Variants in INPP5A observed in about 807,000 individuals in gnomAD.
The protein encoded by INPP5A is 43 kDa inositol polyphosphate 5-phophatase.
INPP5A carries 14 observed loss-of-function variants against 65.2 expected under a neutral mutation model. That is an observed-to-expected ratio of 0.21 (90% CI 0.14 to 0.34). The LOEUF (loss-of-function observed/expected upper bound fraction) is 0.34. INPP5A is among the 10% of genes least tolerant of loss of function. The probability of loss-of-function intolerance (pLI) is 1.00; values close to 1 mark genes in which losing one functional copy is unlikely to be tolerated. For missense variants in INPP5A, 431 were observed against 545.6 expected, an observed-to-expected ratio of 0.79 and a Z score of 2.09; for synonymous variants, 207 against 208.3, an observed-to-expected ratio of 0.99 and a Z score of 0.05.
At chr10:132,638,007 G>A (rs1328875902) in intron 2 of INPP5A, among the ~76,000 whole-genome samples, 1 of 152,138 alleles carries the variant, frequency 6.6e-6, no homozygotes, top group Non-Finnish European at 1.5e-5. Flanking sequence ...TCTTGTGTTG[G>A]TATTGCAAAG....
chr10:132,547,078 G>C lies in INPP5A; in HGVS notation c.75+8907G>C, dbSNP rs991943251. 1.3e-5 allele frequency among the ~76,000 whole-genome samples: 2 copies of C among 152,250 alleles called. No homozygotes were observed. The highest frequency in any genetic ancestry group is 2.4e-5 in the African/African-American group (1 of 41,476). On this transcript the variant is annotated intron_variant, in intron 1 of 15. Transcript: ENST00000368594. The surrounding 1 kb of genome is among the most constrained non-coding windows in gnomAD (Gnocchi z 5.5). The stretch of plus-strand genomic sequence containing the variant: ...TGGCTTTGGCCCAAGTCCCTGTGGA[G>C]AGGAAATCCCGCCTTCAGTGCCAGG...
chr10:132,689,900 A>T (rs575686359), intron 4 of INPP5A, among the ~76,000 whole-genome samples: 3 of 152,362 alleles, frequency 2.0e-5, no homozygotes, highest in Admixed American at 6.5e-5. Flanking sequence ...GGCCAGGCGC[A>T]GTGGAGCTGA....
At chr10:132,562,000 T>C (rs2071212917) in intron 1 of INPP5A, among the ~76,000 whole-genome samples, 1 of 152,230 alleles carries the variant, frequency 6.6e-6, no homozygotes, top group South Asian at 2.1e-4. Flanking sequence ...GTTCTAGTTA[T>C]GATGGGCAAA....
At chr10:132,685,288 T>C (rs916607897) in intron 4 of INPP5A, among the ~76,000 whole-genome samples, 1 of 152,168 alleles carries the variant, frequency 6.6e-6, no homozygotes, top group African/African-American at 2.4e-5. Context: ...TCCACAGAGA[T>C]CCCCCTGGGG....
rs575633327 is a variant in INPP5A at position 132,674,774 on chromosome 10, A to G, written c.307-15618A>G. 6.6e-6 allele frequency among the ~76,000 whole-genome samples: 1 copy of G among 152,284 alleles called. No homozygotes were observed. Among genetic ancestry groups the G allele is most frequent in the African/African-American group, 2.4e-5 (1 of 41,574 alleles). On this transcript the variant is annotated intron_variant, in intron 4 of 15. Transcript: ENST00000368594. The surrounding 1 kb of genome is among the most constrained non-coding windows in gnomAD (Gnocchi z 4.4). ...AGGTCACACGGTGACTTGATGACCCATAGACAAACGTTCAGTTTCCACCAA... is the reference window on the plus strand; with the variant it reads ...AGGTCACACGGTGACTTGATGACCCGTAGACAAACGTTCAGTTTCCACCAA...
chr10:132,735,046 G>A (rs961001716), intron 9 of INPP5A, among the ~76,000 whole-genome samples: 1 of 152,188 alleles, frequency 6.6e-6, no homozygotes, highest in Non-Finnish European at 1.5e-5. Context: ...TGTGGAGCAG[G>A]TGCATCTCGA....
intron 4 of INPP5A, among the ~76,000 whole-genome samples, chr10:132,666,955 A>G (rs1002513106): frequency 6.6e-6 from 1 of 152,156 alleles, no homozygotes; most frequent in Non-Finnish European, 1.5e-5. Context: ...GGTTTTTAAA[A>G]AAGTTATTTT....
intron 6 of INPP5A, among the ~76,000 whole-genome samples, chr10:132,703,210 GGCTCTTGT>G (rs1845465248): frequency 6.6e-6 from 1 of 152,122 alleles, no homozygotes; most frequent in African/African-American, 2.4e-5. Flanking sequence ...GACAGATCCG[GGCTCTTGT>G]GATTGTCATC....
chr10:132,574,297 G>A (rs1399738792), intron 1 of INPP5A, among the ~76,000 whole-genome samples: 2 of 133,060 alleles, frequency 1.5e-5, no homozygotes, highest in African/African-American at 3.0e-5. Flanking sequence ...GCCGTGGGAG[G>A]TTTTGTTGAG....
chr10:132,713,043 T>G (rs886887334), intron 8 of INPP5A, among the ~76,000 whole-genome samples: 10 of 151,054 alleles, frequency 6.6e-5, no homozygotes, highest in Admixed American at 5.9e-4. Flanking sequence ...TGCGTGTGTG[T>G]GGGTGTGTGT....
intron 2 of INPP5A, among the ~76,000 whole-genome samples, chr10:132,613,179 A>G (rs763733648): frequency 2.6e-5 from 4 of 152,302 alleles, no homozygotes; most frequent in Non-Finnish European, 5.9e-5. Flanking sequence ...AGAGTTCGCC[A>G]GTGGTGCTGG....
chr10:132,690,793 G>A (rs1394839983), intron 5 of INPP5A, among the ~76,000 whole-genome samples: 1 of 152,200 alleles, frequency 6.6e-6, no homozygotes, highest in Middle Eastern at 3.2e-3. Context: ...AACAGGCAGG[G>A]ACGGTCCTCC....
At chr10:132,681,597 G>A (rs564099266) in intron 4 of INPP5A, among the ~76,000 whole-genome samples, 2 of 152,316 alleles carry the variant, frequency 1.3e-5, no homozygotes, top group East Asian at 3.9e-4. Context: ...ACAATAGCAG[G>A]TGCTGATAAC....
intron 4 of INPP5A, among the ~76,000 whole-genome samples, chr10:132,669,122 G>A (rs1485334800): frequency 6.6e-6 from 1 of 152,160 alleles, no homozygotes; most frequent in Non-Finnish European, 1.5e-5. Flanking sequence ...GCGTGGTGGT[G>A]GGCGCCTGTA....
intron 12 of INPP5A, among the ~76,000 whole-genome samples, chr10:132,768,489 G>A (rs1044743843): frequency 7.9e-5 from 12 of 152,258 alleles, no homozygotes; most frequent in African/African-American, 2.9e-4. Flanking sequence ...ATCAGCTTCC[G>A]CTTTCCCGCT....
At chr10:132,680,645 G>C (rs929363456) in intron 4 of INPP5A, among the ~76,000 whole-genome samples, 1 of 152,248 alleles carries the variant, frequency 6.6e-6, no homozygotes, top group Non-Finnish European at 1.5e-5. Flanking sequence ...CCCTCAGTTT[G>C]TAGGGAGGTG....
At chr10:132,695,943 C>T (rs1044331014) in intron 5 of INPP5A, among the ~76,000 whole-genome samples, 1 of 152,138 alleles carries the variant, frequency 6.6e-6, no homozygotes, top group African/African-American at 2.4e-5. Flanking sequence ...ACCTCCTAAC[C>T]CCTAAGGTGA....
chr10:132,586,886 G>A (rs928276050), intron 1 of INPP5A, among the ~76,000 whole-genome samples: 17 of 152,242 alleles, frequency 1.1e-4, no homozygotes, highest in African/African-American at 3.6e-4. Context: ...GCAGCGCGGC[G>A]AGGCTGTGGT....
At chr10:132,732,946 G>A (rs1027383468) in intron 9 of INPP5A, among the ~76,000 whole-genome samples, 4 of 152,170 alleles carry the variant, frequency 2.6e-5, no homozygotes, top group Non-Finnish European at 4.4e-5. Flanking sequence ...CACAGGCTGG[G>A]TGGCTTACAC....
Sources: gnomAD v4.1 joint callset for allele counts (sites outside exome capture counted in the v4.1 genomes callset) on GRCh38, gnomAD v4.1.1 for gene constraint, Gnocchi (gnomAD v3.1) non-coding constraint, MANE v1.5 for transcripts, NCBI Gene and HGNC (gene_info 2026-07-23, HGNC 2026-07-21) for gene names.